SLC24A2: variants seen among roughly 807,000 people sequenced by gnomAD.
SLC24A2 encodes solute carrier family 24 member 2, also known as sodium/potassium/calcium exchanger 2.
A neutral mutation model predicts 62.0 loss-of-function variants in SLC24A2; 36 were observed. That is an observed-to-expected ratio of 0.58 (90% confidence interval 0.44 to 0.77). The LOEUF is 0.77. SLC24A2 is among the 30% of genes least tolerant of loss of function. SLC24A2 has a pLI of 0.00. For synonymous variants in SLC24A2, 358 were observed against 294.0 expected (o/e 1.22, Z -2.23); for missense variants, 846 against 817.9 (o/e 1.03, Z -0.42).
At chr9:20,070,538 C>T in the SLC24A2 span, among the ~76,000 whole-genome samples, 8 of 152,202 alleles carry the variant, frequency 5.3e-5, no homozygotes, top group African/African-American at 9.6e-5. Flanking sequence ...GTTAGAAAGG[C>T]GGTGTGCTTT....
chr9:20,171,972 A>C, the SLC24A2 span, among the ~76,000 whole-genome samples: 1 of 152,042 alleles, frequency 6.6e-6, no homozygotes, highest in African/African-American at 2.4e-5. Context: ...GCCACAGTAC[A>C]AGCCTCAATA....
chr9:20,011,507 T>A, the SLC24A2 span, among the ~76,000 whole-genome samples: 1 of 151,978 alleles, frequency 6.6e-6, no homozygotes, highest in African/African-American at 2.4e-5. Flanking sequence ...AATTATCCCT[T>A]AGAAAGAGAA....
At chr9:19,932,325 G>A in the SLC24A2 span, among the ~76,000 whole-genome samples, 15 of 152,158 alleles carry the variant, frequency 9.9e-5, no homozygotes, top group Admixed American at 5.9e-4. Flanking sequence ...CTAATTCACT[G>A]CCGAATAATG....
the SLC24A2 span, among the ~76,000 whole-genome samples, chr9:20,016,291 A>G: frequency 6.6e-6 from 1 of 152,244 alleles, no homozygotes; most frequent in African/African-American, 2.4e-5. Flanking sequence ...ATGAAAATGT[A>G]ATAGATACTT....
At chr9:19,526,426 A>T (rs1434908785) in intron 9 of SLC24A2, among the ~76,000 whole-genome samples, 1 of 152,202 alleles carries the variant, frequency 6.6e-6, no homozygotes, top group Non-Finnish European at 1.5e-5. Context: ...GAACTGCCAA[A>T]CTATTTCCCA....
the SLC24A2 span, among the ~76,000 whole-genome samples, chr9:19,795,518 T>C: frequency 6.6e-6 from 1 of 152,362 alleles, no homozygotes; most frequent in South Asian, 2.1e-4. Context: ...AACTTCTGCT[T>C]TCTGGTCTCT....
the SLC24A2 span, among the ~76,000 whole-genome samples, chr9:19,892,730 G>C: frequency 1.3e-5 from 2 of 151,918 alleles, no homozygotes; most frequent in Non-Finnish European, 2.9e-5. Flanking sequence ...AAAATTTTTG[G>C]TTTGTTTTTG....
the SLC24A2 span, among the ~76,000 whole-genome samples, chr9:19,955,809 C>T: frequency 2.6e-5 from 4 of 152,062 alleles, no homozygotes; most frequent in Admixed American, 2.6e-4. Flanking sequence ...TCACATGAAC[C>T]TCAAGACTAT....
chr9:20,189,981 G>C, the SLC24A2 span, among the ~76,000 whole-genome samples: 1 of 152,154 alleles, frequency 6.6e-6, no homozygotes, highest in Non-Finnish European at 1.5e-5. Flanking sequence ...GCCAGAGTGG[G>C]ACTGATCCAA....
the SLC24A2 span, among the ~76,000 whole-genome samples, chr9:20,138,152 C>A: frequency 6.6e-6 from 1 of 152,074 alleles, no homozygotes; most frequent in Non-Finnish European, 1.5e-5. Flanking sequence ...GGAGACAGCC[C>A]TTTGGATATG....
the SLC24A2 span, among the ~76,000 whole-genome samples, chr9:20,027,947 T>C: frequency 6.6e-6 from 1 of 152,166 alleles, no homozygotes; most frequent in Non-Finnish European, 1.5e-5. Context: ...AATTCAGTGA[T>C]ACAATAAGTA....
the SLC24A2 span, among the ~76,000 whole-genome samples, chr9:20,003,597 A>G: frequency 1.3e-5 from 2 of 152,128 alleles, no homozygotes; most frequent in South Asian, 2.1e-4. Flanking sequence ...TAAATAAATT[A>G]TAGATTCCAC....
At chr9:19,583,395 C>T (rs1836264098) in intron 5 of SLC24A2, among the ~76,000 whole-genome samples, 1 of 152,186 alleles carries the variant, frequency 6.6e-6, no homozygotes, top group African/African-American at 2.4e-5. Context: ...TTTATTTTCT[C>T]TAAAGTAGTT....
At chr9:20,012,368 C>T in the SLC24A2 span, among the ~76,000 whole-genome samples, 1 of 152,138 alleles carries the variant, frequency 6.6e-6, no homozygotes, top group African/African-American at 2.4e-5. Context: ...TCTTATTCAC[C>T]ATCATGAGAA....
At chr9:19,756,903 C>CTTGTTTTTTTT (rs1822157104) in intron 2 of SLC24A2, among the ~76,000 whole-genome samples, 1 of 78,522 alleles carries the variant, frequency 1.3e-5, no homozygotes, top group Non-Finnish European at 2.2e-5. Flanking sequence ...TTTACTGAAG[C>CTTGTTTTTTTT]TTTTTTTTTT....
the SLC24A2 span, among the ~76,000 whole-genome samples, chr9:19,886,523 C>A: frequency 6.6e-6 from 1 of 152,078 alleles, no homozygotes; most frequent in Non-Finnish European, 1.5e-5. Context: ...CTCATGCCAG[C>A]TAGAATGGCA....
the SLC24A2 span, among the ~76,000 whole-genome samples, chr9:20,292,875 G>A: frequency 6.6e-6 from 1 of 152,152 alleles, no homozygotes; most frequent in African/African-American, 2.4e-5. Flanking sequence ...TATAGGCATA[G>A]GCCACCACAC....
At chr9:19,948,755 G>C in the SLC24A2 span, among the ~76,000 whole-genome samples, 1 of 148,368 alleles carries the variant, frequency 6.7e-6, no homozygotes, top group East Asian at 2.1e-4. Flanking sequence ...TGAGGCAGGA[G>C]AATGGCGTGA....
At chr9:19,908,216 C>G in the SLC24A2 span, among the ~76,000 whole-genome samples, 6 of 152,082 alleles carry the variant, frequency 3.9e-5, no homozygotes, top group East Asian at 1.9e-4. Flanking sequence ...ACAAACCTGA[C>G]AAAAACAAGC....
Sources: gnomAD v4.1 joint callset for allele counts (sites outside exome capture counted in the v4.1 genomes callset) on GRCh38, gnomAD v4.1.1 for gene constraint, MANE v1.5 for transcripts, NCBI Gene and HGNC (gene_info 2026-07-23, HGNC 2026-07-21) for gene names.